The following SEMA6D variants were observed in gnomAD, a reference collection of about 807,000 sequenced individuals.
The protein encoded by SEMA6D is semaphorin-6D.
In SEMA6D, 35 loss-of-function variants were observed where a neutral mutation model predicts 106.6. The ratio of observed to expected loss-of-function variants is 0.33; its 90% CI spans 0.25 to 0.44. The LOEUF is 0.44. Among genes scored for constraint, SEMA6D ranks in the 20% least tolerant of loss-of-function variants. SEMA6D has a pLI of 1.00. For synonymous variants in SEMA6D, 499 were observed against 487.7 expected (o/e 1.02, Z -0.31); for missense variants, 1,185 against 1,345.9 (o/e 0.88, Z 1.87).
At chr15:47,217,990 G>A (rs1218554377) in intron 1 of SEMA6D, among the ~76,000 whole-genome samples, 1 of 151,568 alleles carries the variant, frequency 6.6e-6, no homozygotes, top group African/African-American at 2.4e-5. Context: ...CTATATTAGT[G>A]GAAATTTTGT....
intron 1 of SEMA6D, among the ~76,000 whole-genome samples, chr15:47,297,619 G>A (rs949651182): frequency 6.6e-6 from 1 of 152,094 alleles, no homozygotes; most frequent in African/African-American, 2.4e-5. Flanking sequence ...CCACAGCAGG[G>A]ACTTATAGGT....
chr15:47,246,273 G>A (rs2033192178), intron 1 of SEMA6D, among the ~76,000 whole-genome samples: 2 of 152,110 alleles, frequency 1.3e-5, no homozygotes, highest in African/African-American at 4.8e-5. Context: ...GAGAGTGAAG[G>A]GGTAAAGAGA....
intron 1 of SEMA6D, among the ~76,000 whole-genome samples, chr15:47,236,590 A>G (rs907005806): frequency 6.6e-6 from 1 of 152,172 alleles, no homozygotes; most frequent in Non-Finnish European, 1.5e-5. Context: ...AACATAAAGG[A>G]TGAACAAAAT....
At chr15:47,393,804 C>A (rs1235235209) in intron 1 of SEMA6D, among the ~76,000 whole-genome samples, 1 of 152,194 alleles carries the variant, frequency 6.6e-6, no homozygotes, top group Non-Finnish European at 1.5e-5. Flanking sequence ...CATAACACTG[C>A]ATTATTAACA....
intron 4 of SEMA6D, among the ~76,000 whole-genome samples, chr15:47,623,365 A>T (rs1271175611): frequency 1.3e-5 from 2 of 152,228 alleles, no homozygotes; most frequent in African/African-American, 2.4e-5. Context: ...TACCTAAATT[A>T]ACTCATTTAT....
intron 4 of SEMA6D, among the ~76,000 whole-genome samples, chr15:47,628,436 T>C (rs892187403): frequency 2.0e-5 from 3 of 152,082 alleles, no homozygotes; most frequent in African/African-American, 7.2e-5. Context: ...GCTGTCACTA[T>C]TTTTTATTTT....
intron 1 of SEMA6D, among the ~76,000 whole-genome samples, chr15:47,747,687 C>T (rs1008817727): frequency 6.6e-6 from 1 of 152,146 alleles, no homozygotes; most frequent in Non-Finnish European, 1.5e-5. Flanking sequence ...CTACCACCTG[C>T]GCTTTTTTCT....
intron 1 of SEMA6D, among the ~76,000 whole-genome samples, chr15:47,364,624 G>C (rs149720539): frequency 4.6e-5 from 7 of 152,062 alleles, no homozygotes; most frequent in Non-Finnish European, 7.4e-5. Context: ...AAAATACATC[G>C]CTTAACACTG....
intron 1 of SEMA6D, among the ~76,000 whole-genome samples, chr15:47,343,855 T>C (rs2037932178): frequency 6.6e-6 from 1 of 152,094 alleles, no homozygotes. Context: ...AAAGGGCTAA[T>C]ATCCAGAATC....
chr15:47,534,042 C>A (rs2045069369), intron 3 of SEMA6D, among the ~76,000 whole-genome samples: 1 of 152,120 alleles, frequency 6.6e-6, no homozygotes, highest in Admixed American at 6.5e-5. Context: ...CATATGAAAT[C>A]AACCCAGAGT....
chr15:47,706,876 C>T (rs1447797774), intron 4 of SEMA6D, among the ~76,000 whole-genome samples: 1 of 152,216 alleles, frequency 6.6e-6, no homozygotes, highest in Non-Finnish European at 1.5e-5. Flanking sequence ...TTGTCCTGAA[C>T]GTACTGCTAC....
chr15:47,625,506 G>A lies in SEMA6D; in HGVS notation c.-55+24610G>A, dbSNP rs541706070. ...AATCCCAGCACTTTATAAGGCTGTG[G>A]CAGGCAAATTGCTTGAGCTCAGGAG... is the stretch of plus-strand genomic sequence containing the variant. On this transcript the variant is annotated intron_variant, in intron 4 of 19. Coordinates refer to the SEMA6D transcript ENST00000558014. Among the ~76,000 whole-genome samples the A allele has an allele frequency of 8.0e-4, 122 of 152,110 alleles. 2 individuals carry two copies. The South Asian group carries it at 0.023, about 29-fold the overall frequency.
chr15:47,520,375 C>T (rs1205057872), intron 3 of SEMA6D, among the ~76,000 whole-genome samples: 1 of 152,206 alleles, frequency 6.6e-6, no homozygotes, highest in Non-Finnish European at 1.5e-5. Flanking sequence ...ATCAGGTCCC[C>T]TGTGACACAA....
intron 1 of SEMA6D, among the ~76,000 whole-genome samples, chr15:47,311,205 G>A (rs906780242): frequency 6.6e-6 from 1 of 152,180 alleles, no homozygotes. Context: ...GCAGCAAGAA[G>A]GATGCATTAT....
intron 3 of SEMA6D, among the ~76,000 whole-genome samples, chr15:47,575,663 G>T (rs2076144233): frequency 6.6e-6 from 1 of 152,096 alleles, no homozygotes; most frequent in Non-Finnish European, 1.5e-5. Flanking sequence ...AGGTTGCAGT[G>T]AGCTGAGATT....
intron 1 of SEMA6D, among the ~76,000 whole-genome samples, chr15:47,207,690 C>T (rs1218451657): frequency 6.6e-6 from 1 of 152,066 alleles, no homozygotes; most frequent in African/African-American, 2.4e-5. Context: ...TCTTCTGGCT[C>T]CTTGCACCTA....
intron 1 of SEMA6D, among the ~76,000 whole-genome samples, chr15:47,303,467 C>T (rs1037152975): frequency 2.0e-5 from 3 of 152,170 alleles, no homozygotes; most frequent in Non-Finnish European, 2.9e-5. Context: ...TAGTGGGGCT[C>T]CTCCTCATCA....
chr15:47,600,975 G>A (rs891312613), intron 4 of SEMA6D: 3 of 152,078 alleles, frequency 2.0e-5, no homozygotes, highest in Non-Finnish European at 4.4e-5. Flanking sequence ...TTTGCTGTAT[G>A]TCATGAGTGA....
At chr15:47,455,515 G>A (rs1165927004) in intron 2 of SEMA6D, among the ~76,000 whole-genome samples, 2 of 151,874 alleles carry the variant, frequency 1.3e-5, no homozygotes, top group Non-Finnish European at 1.5e-5. Flanking sequence ...GCCTTCCATT[G>A]ATACCTTCTC....
Sources: gnomAD v4.1 joint callset for allele counts (sites outside exome capture counted in the v4.1 genomes callset) on GRCh38, gnomAD v4.1.1 for gene constraint, MANE v1.5 for transcripts, NCBI Gene and HGNC (gene_info 2026-07-23, HGNC 2026-07-21) for gene names.